Variants in H6PD observed in about 807,000 individuals in gnomAD.
H6PD encodes hexose-6-phosphate dehydrogenase/glucose 1-dehydrogenase.
A neutral mutation model predicts 61.2 loss-of-function variants in H6PD; 48 were observed. That is an observed-to-expected ratio of 0.78 (90% CI 0.62 to 1.00). H6PD has a LOEUF of 1.00. Ranked by LOEUF, H6PD falls within the 50% of genes least tolerant of loss-of-function variation. The probability of loss-of-function intolerance (pLI) is 0.00; values close to 1 mark genes in which losing one functional copy is unlikely to be tolerated. For missense variants in H6PD, 1,093 were observed against 1,065.0 expected (o/e 1.03, Z -0.37); for synonymous variants, 480 against 457.9 (o/e 1.05, Z -0.62).
At chr1:9,261,002 A>T (rs984060146) in intron 3 of H6PD, among the ~76,000 whole-genome samples, 3 of 152,010 alleles carry the variant, frequency 2.0e-5, no homozygotes, top group African/African-American at 4.8e-5. Flanking sequence ...ATCTGTCAGC[A>T]GGTCCAGTCA....
intron 3 of H6PD, among the ~76,000 whole-genome samples, chr1:9,260,137 T>TAGCTGGTGTTATATTGCTGTTGTTA (rs981754422): frequency 6.6e-6 from 1 of 152,084 alleles, no homozygotes; most frequent in Non-Finnish European, 1.5e-5. Flanking sequence ...ACGTTGCTGT[T>TAGCTGGTGTTATATTGCTGTTGTTA]AGCTGGTGTT....
chr1:9,244,938 T>C lies in H6PD; in HGVS notation c.4T>C (p.Trp2Arg), dbSNP rs1424973963. ...TTTGCACCCCAGGCACCCAGGCATG[T>C]GGAATATGCTCATAGTGGCGATGTG... M[W>R]NMLIVAMCLA... Residue 2 changes from tryptophan to arginine, a missense_variant, in exon 2 of 5, where the codon TGG becomes CGG. Coordinates refer to ENST00000377403, the MANE Select transcript of H6PD (RefSeq NM_004285.4). The C allele has an allele frequency of 3.1e-6, 5 of 1,613,872 alleles. No individual in the cohort carries two copies. The highest frequency in any genetic ancestry group is 4.2e-6 in the Non-Finnish European group (5 of 1,179,838).
chr1:9,263,055 T>A (rs529008015), intron 4 of H6PD, among the ~76,000 whole-genome samples: 1 of 152,170 alleles, frequency 6.6e-6, no homozygotes, highest in South Asian at 2.1e-4. Flanking sequence ...GGTGACTCTC[T>A]CCTCACCCCG....
chr1:9,248,115 A>G lies in H6PD; in HGVS notation c.745+1032A>G, dbSNP rs144257673. On this transcript the variant is annotated intron_variant, in intron 3 of 4. Coordinates refer to ENST00000377403, the MANE Select transcript of H6PD (RefSeq NM_004285.4). ...TGCGCTGTGCTGCCAGCGCTGCGTC[A>G]GTGGCCAGCTCATCCCCGCGGCCGC... is the stretch of plus-strand genomic sequence containing the variant. Among the ~76,000 whole-genome samples the G allele has an allele frequency of 3.4e-4, 52 of 152,322 alleles. 2 individuals carry two copies. In the South Asian group the frequency reaches 4.8e-3, roughly 14 times the overall value.
At chr1:9,244,054 G>A (rs1641084937) in intron 1 of H6PD, among the ~76,000 whole-genome samples, 1 of 152,142 alleles carries the variant, frequency 6.6e-6, no homozygotes, top group African/African-American at 2.4e-5. Flanking sequence ...AGAATGGGAG[G>A]ACTGTCACAG....
chr1:9,265,258 G>C lies in H6PD; in HGVS notation c.*389G>C, dbSNP rs368661678. 5.1e-4 allele frequency: 188 copies of C among 366,766 alleles called. 2 individuals are homozygous for C. In the East Asian group the frequency reaches 5.5e-3, roughly 11 times the overall value. The allele number at this position is 366,766 out of a possible 1,614,324, so 22.7% of individuals were successfully genotyped here. A position where few individuals can be genotyped will look rare whatever the true frequency, so the allele number is the denominator to read the frequency against. On this transcript the variant is annotated 3_prime_UTR_variant, in exon 5 of 5. Transcript: ENST00000377403. The stretch of plus-strand genomic sequence containing the variant: ...TGAGGTTAATCAGGGAAGGTTTCCT[G>C]GGGGAGGTGATCCTTGAACTGGCTC...
At chr1:9,257,724 G>A (rs1222208205) in intron 3 of H6PD, among the ~76,000 whole-genome samples, 1 of 152,238 alleles carries the variant, frequency 6.6e-6, no homozygotes, top group African/African-American at 2.4e-5. Context: ...AAAGCTCCTA[G>A]AAGCTGAGCC....
chr1:9,236,433 G>A (rs1640850748), intron 1 of H6PD, among the ~76,000 whole-genome samples: 2 of 152,132 alleles, frequency 1.3e-5, no homozygotes, highest in South Asian at 2.1e-4. Context: ...AGGCCAGGGC[G>A]GGCAGGTCAC....
At chr1:9,248,935 C>T (rs1641271239) in intron 3 of H6PD, among the ~76,000 whole-genome samples, 1 of 152,220 alleles carries the variant, frequency 6.6e-6, no homozygotes, top group African/African-American at 2.4e-5. Flanking sequence ...GCCTGATCTC[C>T]CAGCAGGCAC....
At chr1:9,242,326 CTG>C (rs966769547) in intron 1 of H6PD, among the ~76,000 whole-genome samples, 4 of 150,774 alleles carry the variant, frequency 2.7e-5, no homozygotes, top group African/African-American at 9.8e-5. Flanking sequence ...TTGAGAAACA[CTG>C]TAAAGGTTAA....
At chr1:9,261,743 G>A (rs1418963083) in intron 3 of H6PD, among the ~76,000 whole-genome samples, 1 of 152,260 alleles carries the variant, frequency 6.6e-6, no homozygotes, top group African/African-American at 2.4e-5. Context: ...GGCGGGGCGA[G>A]GGGCTGGCCA....
chr1:9,263,249 C>A (rs1638396622), intron 4 of H6PD, among the ~76,000 whole-genome samples: 1 of 152,152 alleles, frequency 6.6e-6, no homozygotes, highest in African/African-American at 2.4e-5. Context: ...TTCTCCTTTC[C>A]TGGGGGACCA....
At chr1:9,255,052 T>C (rs1306741884) in intron 3 of H6PD, among the ~76,000 whole-genome samples, 1 of 152,264 alleles carries the variant, frequency 6.6e-6, no homozygotes, top group Non-Finnish European at 1.5e-5. Context: ...CTGAATAATA[T>C]CTTATTGTAT....
At chr1:9,235,832 G>C (rs1009643918) in intron 1 of H6PD, among the ~76,000 whole-genome samples, 2 of 152,128 alleles carry the variant, frequency 1.3e-5, no homozygotes, top group East Asian at 1.9e-4. Context: ...GGCTGGTCTC[G>C]AACTCCTGGG....
At chr1:9,251,083 G>T (rs1641347184) in intron 3 of H6PD, among the ~76,000 whole-genome samples, 1 of 152,164 alleles carries the variant, frequency 6.6e-6, no homozygotes, top group African/African-American at 2.4e-5. Flanking sequence ...AGCCCCCCTG[G>T]GTACCCTGGC....
In H6PD at chr1:9,244,553, G is replaced by T. The variant is rs150080568; in HGVS notation, c.-10-372G>T. On this transcript the variant is annotated intron_variant, in intron 1 of 4. Coordinates refer to ENST00000377403, the MANE Select transcript of H6PD (RefSeq NM_004285.4). ...TAGGCTGGGGCTGCCCTGCTTGTCC[G>T]GGTGACCTGTGCTCCTAGAAGAGAC... 4.3e-3 allele frequency among the ~76,000 whole-genome samples: 656 copies of T among 152,312 alleles called. 5 individuals carry two copies. The highest frequency in any genetic ancestry group is 0.015 in the African/African-American group (637 of 41,562).
chr1:9,262,953 T>G (rs1199829626), intron 4 of H6PD, among the ~76,000 whole-genome samples: 1 of 152,144 alleles, frequency 6.6e-6, no homozygotes, highest in African/African-American at 2.4e-5. Flanking sequence ...TGAACCAGGC[T>G]TGGAACTTGG....
intron 1 of H6PD, among the ~76,000 whole-genome samples, chr1:9,238,697 C>G (rs1640915257): frequency 6.6e-6 from 1 of 152,168 alleles, no homozygotes; most frequent in South Asian, 2.1e-4. Flanking sequence ...GTCTGGCAAA[C>G]ATCCCACTCA....
At chr1:9,243,632 T>C (rs1298518471) in intron 1 of H6PD, among the ~76,000 whole-genome samples, 1 of 152,072 alleles carries the variant, frequency 6.6e-6, no homozygotes, top group Admixed American at 6.5e-5. Context: ...CCTACAACCT[T>C]GGTTAGAACA....
Sources: allele counts gnomAD v4.1 joint callset (sites outside exome capture counted in the v4.1 genomes callset), GRCh38; gene constraint gnomAD v4.1.1; transcripts MANE v1.5; gene names NCBI Gene and HGNC (gene_info 2026-07-23, HGNC 2026-07-21).